SAMHD1: variants seen among roughly 807,000 people sequenced by gnomAD.
SAMHD1 encodes deoxynucleoside triphosphate triphosphohydrolase SAMHD1.
Under a neutral mutation model 79.6 loss-of-function variants are expected in SAMHD1, and 54 were observed. The observed-to-expected ratio is 0.68, with a 90% CI of 0.55 to 0.85. SAMHD1 has a LOEUF of 0.85. Ranked by LOEUF, SAMHD1 falls within the 40% of genes least tolerant of loss-of-function variation. The probability of loss-of-function intolerance (pLI) is 0.00; values close to 1 mark genes in which losing one functional copy is unlikely to be tolerated. For synonymous variants in SAMHD1, 260 were observed against 264.1 expected (o/e 0.98, Z 0.15); for missense variants, 663 against 782.7 (o/e 0.85, Z 1.82).
chr20:36,910,465 C>T (rs2063431463), intron 11 of SAMHD1, among the ~76,000 whole-genome samples: 1 of 151,882 alleles, frequency 6.6e-6, no homozygotes, highest in African/African-American at 2.4e-5. Flanking sequence ...CGTAGTGGCT[C>T]ACGTCTGTAA....
At chr20:36,947,549 GGGGTGTGTGTGTGTGTGTGT>G (rs1172646495) in intron 1 of SAMHD1, among the ~76,000 whole-genome samples, 4 of 60,740 alleles carry the variant, frequency 6.6e-5, no homozygotes, top group Non-Finnish European at 1.5e-4. Context: ...ATTTGGAAGA[GGGGTGTGTGTGTGTGTGTGT>G]GTGTGTGTGT....
At chr20:36,931,104 G>GT in intron 4 of SAMHD1, 1 of 549,268 alleles carries the variant, frequency 1.8e-6, no homozygotes. Flanking sequence ...CAAAACCACA[G>GT]TGAGATACCA....
Position 36,912,501 on chromosome 20 carries a change from T to C in SAMHD1, c.1114A>G (p.Arg372Gly). ...MFHTRNSLHR[R>G]AYQHKVGNII... ...TTGCCAACTTTGTGTTGATAAGCTC[T>C]ACGGTGTAAAGAGTTGCGAGTGTGG... Residue 372 changes from arginine (R) to glycine (G), a missense_variant, in exon 10 of 16, where the codon AGA (arginine) becomes GGA (glycine). Transcript: ENST00000646673. 1.2e-6 allele frequency: 2 copies of C among 1,613,584 alleles called. No individual in the cohort carries two copies. Among genetic ancestry groups the C allele is most frequent in the Non-Finnish European group, 1.7e-6 (2 of 1,179,554 alleles).
chr20:36,932,430 T>C lies in SAMHD1; in HGVS notation c.510-1555A>G, dbSNP rs1263529940. ...GGTTGCGGGGGGAGACATGAAGAGT[T>C]GTTTAATACGTATACAGTTTCGTGT... is the stretch of plus-strand genomic sequence containing the variant. On this transcript the variant is annotated intron_variant, in intron 4 of 15. Transcript: ENST00000646673. Among the ~76,000 whole-genome samples, 5 of 148,596 alleles carry C rather than the reference T, an allele frequency of 3.4e-5. No individual in the cohort carries two copies. In the South Asian group the frequency reaches 1.1e-3, roughly 32 times the overall value.
At chr20:36,934,979 CAG>C (rs761119013) in intron 4 of SAMHD1, 48 bp downstream of exon 4, 16 of 1,578,814 alleles carry the variant, frequency 1.0e-5, no homozygotes, top group Admixed American at 8.3e-5. Flanking sequence ...TTTCATGAGA[CAG>C]AGAAAATACT....
intron 11 of SAMHD1, among the ~76,000 whole-genome samples, chr20:36,907,264 T>G (rs116577096): frequency 2.4e-4 from 35 of 148,298 alleles, no homozygotes; most frequent in East Asian, 4.1e-4. Flanking sequence ...CTAAATTTTT[T>G]TTTGTTTGTT....
At chr20:36,893,476 G>T in intron 15 of SAMHD1, 1 of 284,392 alleles carries the variant, frequency 3.5e-6, no homozygotes. Flanking sequence ...GGCAAAGAAG[G>T]GGAGGAAGAA....
rs2063640460 is a variant in SAMHD1, at chr20:36,941,030, T to A, written c.348+9A>T. Reference sequence around the variant, plus strand: ...ATTCAAAAAACATAACAAACTCAGATCCTCTTACCTTCATTGTATCAACGT... The same window carrying A: ...ATTCAAAAAACATAACAAACTCAGAACCTCTTACCTTCATTGTATCAACGT... On this transcript the variant is annotated intron_variant, in intron 3 of 15. Coordinates refer to ENST00000646673, the MANE Select transcript of SAMHD1 (RefSeq NM_015474.4). The A allele has an allele frequency of 1.2e-6, 2 of 1,603,544 alleles. No individual in the cohort carries two copies. Among genetic ancestry groups the A allele is most frequent in the African/African-American group, 1.3e-5 (1 of 74,742 alleles).
rs760859048 is a variant in SAMHD1 at position 36,919,457 on chromosome 20, G to A, written c.759C>T (p.Val253=). 1 of 1,613,300 alleles carries A rather than the reference G, an allele frequency of 6.2e-7. No homozygotes were observed. Among genetic ancestry groups the A allele is most frequent in the Non-Finnish European group, 8.5e-7 (1 of 1,179,430 alleles). Residue 253 remains valine, a synonymous_variant, in exon 7 of 16, where the codon GTC becomes GTT. Transcript: ENST00000646673. ...CAGGGATGAGACCATATTGTTCCAT[G>A]ACAGGCTTAATTCCATTAGAATTAA... ...HLINSNGIKP[V]MEQYGLIPEE... is the part of the protein sequence containing the mutation.
intron 11 of SAMHD1, among the ~76,000 whole-genome samples, chr20:36,907,011 C>G (rs959903762): frequency 2.6e-5 from 4 of 151,598 alleles, no homozygotes; most frequent in African/African-American, 4.8e-5. Flanking sequence ...AGGCTGGTCT[C>G]GAACTCCTGG....
intron 15 of SAMHD1, among the ~76,000 whole-genome samples, chr20:36,896,631 T>C (rs937703997): frequency 2.6e-5 from 4 of 151,896 alleles, no homozygotes; most frequent in Non-Finnish European, 5.9e-5. Flanking sequence ...GGTCAGGAGA[T>C]AGAGACCATC....
At chr20:36,903,324 C>T (rs2063385957) in intron 13 of SAMHD1, among the ~76,000 whole-genome samples, 1 of 151,884 alleles carries the variant, frequency 6.6e-6, no homozygotes, top group Admixed American at 6.6e-5. Flanking sequence ...ACTGCAACCT[C>T]CGCCTCCCAG....
intron 7 of SAMHD1, among the ~76,000 whole-genome samples, chr20:36,918,952 G>A (rs900520907): frequency 7.9e-5 from 12 of 151,908 alleles, no homozygotes; most frequent in Non-Finnish European, 1.8e-4. Context: ...CCTGGGCAAC[G>A]TGACAAAACC....
intron 1 of SAMHD1, among the ~76,000 whole-genome samples, chr20:36,949,310 A>T (rs900832005): frequency 1.3e-5 from 2 of 151,396 alleles, no homozygotes; most frequent in Non-Finnish European, 2.9e-5. Flanking sequence ...ATAATCAAAC[A>T]GAGGCCCAAG....
chr20:36,898,495 A>T lies in SAMHD1; in HGVS notation c.1553T>A (p.Val518Asp). The change falls in exon 14 of 16, where the codon GTT becomes GAT. Residue 518 changes from valine to aspartate, a missense_variant. By Grantham distance (152) the Val-to-Asp change is radical (BLOSUM62 -3). Coordinates refer to ENST00000646673, the MANE Select transcript of SAMHD1 (RefSeq NM_015474.4). Reference sequence around the variant, plus strand: ...GGGGGCAGTCTTACAATAGAAGCTAACATGATCAATTGGATTCTTTTCTTG... The same window carrying T: ...GGGGGCAGTCTTACAATAGAAGCTATCATGATCAATTGGATTCTTTTCTTG... ...GMQEKNPIDH[V>D]SFYCKTAPNR... 6.2e-7 allele frequency: 1 copy of T among 1,614,096 alleles called. No individual in the cohort carries two copies. The highest frequency in any genetic ancestry group is 8.5e-7 in the Non-Finnish European group (1 of 1,179,988).
At chr20:36,897,634 G>A in intron 15 of SAMHD1, 188 bp downstream of exon 15, 1 of 669,450 alleles carries the variant, frequency 1.5e-6, no homozygotes, top group Non-Finnish European at 2.6e-6. Flanking sequence ...CCCAACTCCT[G>A]TAGGAAGAAA....
chr20:36,910,614 C>G lies in SAMHD1; in HGVS notation c.1270+604G>C, dbSNP rs994383855. ...GCATGGTGGGGCATGCCTATAATCTCAGCTACCCAGGAGACTGAGGCAGGA... is the reference window on the plus strand; with the variant it reads ...GCATGGTGGGGCATGCCTATAATCTGAGCTACCCAGGAGACTGAGGCAGGA... On this transcript the variant is annotated intron_variant, in intron 11 of 15. Transcript: ENST00000646673. Among the ~76,000 whole-genome samples, 4 of 151,238 alleles carry G rather than the reference C, an allele frequency of 2.6e-5. No homozygotes were observed. The Admixed American group carries it at 2.6e-4, about 10-fold the overall frequency.
At chr20:36,921,053 C>T (rs764807798) in intron 6 of SAMHD1, among the ~76,000 whole-genome samples, 1 of 151,990 alleles carries the variant, frequency 6.6e-6, no homozygotes, top group Non-Finnish European at 1.5e-5. Flanking sequence ...GCCTGTACTC[C>T]AGCCTGGGCA....
At position 36,919,465 on chromosome 20, in the gene SAMHD1, T is replaced by A; in HGVS notation, c.751A>T (p.Lys251Ter). ...FEHLINSNGI[K>*]PVMEQYGLIP... ...AGACCATATTGTTCCATGACAGGCTTAATTCCATTAGAATTAATAAGGTGC... is the reference window on the plus strand; with the variant it reads ...AGACCATATTGTTCCATGACAGGCTAAATTCCATTAGAATTAATAAGGTGC... The change falls in exon 7 of 16, where the codon AAG (lysine) becomes TAG (stop). Residue 251 changes from lysine (K) to a stop codon, truncating the protein, a stop_gained. Coordinates refer to ENST00000646673, the MANE Select transcript of SAMHD1 (RefSeq NM_015474.4). LOFTEE classifies it high-confidence loss of function. 1 of 1,613,612 alleles carries A rather than the reference T, an allele frequency of 6.2e-7. No homozygotes were observed. The highest frequency in any genetic ancestry group is 8.5e-7 in the Non-Finnish European group (1 of 1,179,686).
Sources: gnomAD v4.1 joint callset for allele counts (sites outside exome capture counted in the v4.1 genomes callset) on GRCh38, gnomAD v4.1.1 for gene constraint, MANE v1.5 for transcripts, NCBI Gene and HGNC (gene_info 2026-07-23, HGNC 2026-07-21) for gene names.